The following NMT2 variants were observed in gnomAD, a reference collection of about 807,000 sequenced individuals.
The protein encoded by NMT2 is glycylpeptide N-tetradecanoyltransferase 2.
NMT2 carries 35 observed loss-of-function variants against 65.4 expected under a neutral mutation model. The observed-to-expected ratio is 0.54, with a 90% confidence interval of 0.41 to 0.71. NMT2 has a LOEUF of 0.71. Among genes scored for constraint, NMT2 ranks in the 30% least tolerant of loss-of-function variants. NMT2 has a pLI of 0.00. For missense variants in NMT2, 489 were observed against 611.3 expected, an observed-to-expected ratio of 0.80 and a Z score of 2.11; for synonymous variants, 226 against 231.8, an observed-to-expected ratio of 0.98 and a Z score of 0.23.
rs750573012 is a variant in NMT2, at chr10:15,133,236, C to G, written c.510+9G>C. On this transcript the variant is annotated intron_variant, in intron 4 of 11. Transcript: ENST00000378165. ...AGGAGTTGAATTTAAGAGGTTTTTA[C>G]TCACTCACCACTTCGGCATCACTCA... The G allele has an allele frequency of 1.3e-4, 206 of 1,610,282 alleles. No homozygotes were observed. The Middle Eastern group carries it at 4.1e-3, about 32-fold the overall frequency.
In NMT2 at chr10:15,161,480, C is replaced by T. The variant is rs1440293911; in HGVS notation, c.110+7023G>A. Among the ~76,000 whole-genome samples, 5 of 152,082 alleles carry T rather than the reference C, an allele frequency of 3.3e-5. 1 individual carries two copies. The highest frequency in any genetic ancestry group is 4.1e-4 in the South Asian group (2 of 4,824). On this transcript the variant is annotated intron_variant, in intron 1 of 11. Coordinates refer to ENST00000378165, the MANE Select transcript of NMT2 (RefSeq NM_004808.3). ...GATTCTCCTGCCTGCCTCAGCCTCCCGAGTAGCTGAGATTACATACGCCCG... is the reference window on the plus strand; with the variant it reads ...GATTCTCCTGCCTGCCTCAGCCTCCTGAGTAGCTGAGATTACATACGCCCG...
chr10:15,152,215 G>A (rs964898416), intron 1 of NMT2, among the ~76,000 whole-genome samples: 1 of 152,168 alleles, frequency 6.6e-6, no homozygotes, highest in Non-Finnish European at 1.5e-5. Flanking sequence ...TACAAATGGC[G>A]CTTTTCACCA....
rs1345661419 is a variant in NMT2, at chr10:15,120,401, T to A, written c.1000-888A>T. Reference sequence around the variant, plus strand: ...TGAAACTGGGAGGCGAAGGTTGCAGTGAACCATGATCACGCCACTGCACTC... The same window carrying A: ...TGAAACTGGGAGGCGAAGGTTGCAGAGAACCATGATCACGCCACTGCACTC... On this transcript the variant is annotated intron_variant, in intron 8 of 11. Transcript: ENST00000378165. Among the ~76,000 whole-genome samples, 4 of 152,188 alleles carry A rather than the reference T, an allele frequency of 2.6e-5. No homozygotes were observed. In the East Asian group the frequency reaches 7.7e-4, roughly 29 times the overall value.
At chr10:15,109,340 C>T in intron 11 of NMT2, 125 bp from the exon 12 acceptor site, 15 of 1,190,602 alleles carry the variant, frequency 1.3e-5, no homozygotes, top group Non-Finnish European at 1.6e-5. Flanking sequence ...TTTGGGAGGC[C>T]AAGGCAGGCG....
intron 1 of NMT2, among the ~76,000 whole-genome samples, chr10:15,156,487 G>A (rs1472901978): frequency 1.3e-5 from 2 of 152,082 alleles, no homozygotes; most frequent in South Asian, 2.1e-4. Flanking sequence ...GACTAATACG[G>A]GGCGGAGGCT....
intron 1 of NMT2, among the ~76,000 whole-genome samples, chr10:15,161,350 T>C (rs1833192090): frequency 6.6e-6 from 1 of 152,092 alleles, no homozygotes; most frequent in South Asian, 2.1e-4. Context: ...ATGTGTTTTA[T>C]TTTTTACTTT....
chr10:15,135,682 A>T (rs1010560035), intron 2 of NMT2, among the ~76,000 whole-genome samples: 1 of 152,152 alleles, frequency 6.6e-6, no homozygotes, highest in Non-Finnish European at 1.5e-5. Context: ...TCAGTTTCCC[A>T]TCCATCTACA....
At chr10:15,147,851 G>A (rs763503048) in intron 1 of NMT2, among the ~76,000 whole-genome samples, 3 of 152,110 alleles carry the variant, frequency 2.0e-5, no homozygotes, top group Admixed American at 6.5e-5. Flanking sequence ...TTACTCAAAC[G>A]AGGACTCAAA....
chr10:15,168,310 G>A, intron 1 of NMT2, 193 bp downstream of exon 1: 1 of 216,752 alleles, frequency 4.6e-6, no homozygotes. Flanking sequence ...CCCGGGCCTC[G>A]CCTCCCCGCG....
At chr10:15,131,113 A>G (rs544502830) in intron 6 of NMT2, among the ~76,000 whole-genome samples, 47 of 152,210 alleles carry the variant, frequency 3.1e-4, no homozygotes, top group African/African-American at 9.1e-4. Flanking sequence ...CTTTAACACA[A>G]TATTTAACAA....
At chr10:15,143,689 C>T (rs1289983470) in intron 1 of NMT2, among the ~76,000 whole-genome samples, 3 of 152,140 alleles carry the variant, frequency 2.0e-5, no homozygotes, top group Admixed American at 2.0e-4. Flanking sequence ...TAGTGAGACC[C>T]TGTCCCCATA....
chr10:15,124,463 C>T (rs1846017848), intron 8 of NMT2, among the ~76,000 whole-genome samples: 2 of 152,144 alleles, frequency 1.3e-5, no homozygotes, highest in Admixed American at 6.6e-5. Context: ...AATGAGACTA[C>T]GGCTGTTAAA....
At chr10:15,137,699 T>C (rs925286150) in intron 2 of NMT2, among the ~76,000 whole-genome samples, 1 of 152,244 alleles carries the variant, frequency 6.6e-6, no homozygotes, top group Non-Finnish European at 1.5e-5. Context: ...AATGAATTTG[T>C]CATGGTACTT....
chr10:15,132,908 G>T lies in NMT2; in HGVS notation c.628C>A (p.Leu210Met), dbSNP rs1332527727. ...ACTCTGACCCCACAGTGCCACTGCA[G>T]GAGCCAGCCTGGTGGACGCAGAGCC... ...LWALRPPGWL[L>M]QWHCGVRVSS... Residue 210 changes from leucine (L) to methionine (M), a missense_variant, in exon 6 of 12, where the codon CTG (leucine) becomes ATG (methionine). By Grantham distance (15) the Leu-to-Met change is conservative (BLOSUM62 2). Coordinates refer to ENST00000378165, the MANE Select transcript of NMT2 (RefSeq NM_004808.3). The T allele has an allele frequency of 6.2e-7, 1 of 1,613,396 alleles. No individual in the cohort carries two copies. Among genetic ancestry groups the T allele is most frequent in the Admixed American group, 1.7e-5 (1 of 59,882 alleles).
intron 7 of NMT2, among the ~76,000 whole-genome samples, chr10:15,129,889 CAGAGTA>C (rs1846214535): frequency 8.8e-6 from 1 of 113,208 alleles, no homozygotes; most frequent in African/African-American, 3.6e-5. Context: ...GCCTGGGCAA[CAGAGTA>C]AGAGTCTGCC....
intron 10 of NMT2, 112 bp downstream of exon 10, chr10:15,112,684 A>T: frequency 9.6e-7 from 1 of 1,041,730 alleles, no homozygotes; most frequent in Non-Finnish European, 1.3e-6. Flanking sequence ...TAGTTTTTTT[A>T]AAGTCTCGCA....
intron 1 of NMT2, among the ~76,000 whole-genome samples, chr10:15,161,756 T>C (rs1201323878): frequency 6.6e-6 from 1 of 152,068 alleles, no homozygotes; most frequent in African/African-American, 2.4e-5. Flanking sequence ...ATGTGAAACA[T>C]GTAATAGTTA....
intron 6 of NMT2, among the ~76,000 whole-genome samples, chr10:15,132,141 A>G (rs1402168217): frequency 6.6e-6 from 1 of 152,192 alleles, no homozygotes; most frequent in Non-Finnish European, 1.5e-5. Flanking sequence ...TCCTGGAATT[A>G]CAGGTGTGAG....
chr10:15,112,790 G>A lies in NMT2; in HGVS notation c.1338+6C>T. The A allele has an allele frequency of 6.2e-7, 1 of 1,607,052 alleles. No homozygotes were observed. The highest frequency in any genetic ancestry group is 1.1e-5 in the South Asian group (1 of 90,518). On this transcript the variant is annotated splice_donor_region_variant and intron_variant, in intron 10 of 11. Transcript: ENST00000378165. Reference sequence around the variant, plus strand: ...CAAACGGCGTGAACAGGAAGGAGTGGCTTACCGATTTAGCCAGGATGAGCG... The same window carrying A: ...CAAACGGCGTGAACAGGAAGGAGTGACTTACCGATTTAGCCAGGATGAGCG...
Sources: allele counts gnomAD v4.1 joint callset (sites outside exome capture counted in the v4.1 genomes callset), GRCh38; gene constraint gnomAD v4.1.1; transcripts MANE v1.5; gene names NCBI Gene and HGNC (gene_info 2026-07-23, HGNC 2026-07-21).